The following PARP14 variants were observed in gnomAD, a reference collection of about 807,000 sequenced individuals.
PARP14 encodes protein mono-ADP-ribosyltransferase PARP14.
Under a neutral mutation model 154.2 loss-of-function variants are expected in PARP14, and 59 were observed. The observed-to-expected ratio is 0.38, with a 90% CI of 0.31 to 0.48. The LOEUF (loss-of-function observed/expected upper bound fraction) is 0.48. Among genes scored for constraint, PARP14 ranks in the 20% least tolerant of loss-of-function variants. PARP14 has a pLI of 0.98. For synonymous variants in PARP14, 720 were observed against 780.5 expected (o/e 0.92, Z 1.29); for missense variants, 1,734 against 2,131.6 (o/e 0.81, Z 3.67).
chr3:122,680,969 T>C lies in PARP14; in HGVS notation c.86T>C (p.Met29Thr). The C allele has an allele frequency of 1.9e-6, 3 of 1,613,526 alleles. No homozygotes were observed. The South Asian group carries it at 3.3e-5, about 18-fold the overall frequency. The part of the protein sequence containing the change: ...PPKNLNTKLQ[M>T]YFQSPKRSGG... ...AAGAACTTGAACACCAAGTTGCAGA[T>C]GTACTTCCAGAGCCCGAAGAGGTCG... Residue 29 changes from methionine to threonine, a missense_variant, in exon 1 of 17, where the codon ATG becomes ACG. This residue lies in a region of PARP14 where 1,646 missense variants were observed against 1,976.0 expected (regional missense o/e 0.83). Transcript: ENST00000474629.
chr3:122,712,189 T>C (rs111569715), intron 9 of PARP14, among the ~76,000 whole-genome samples: 101 of 152,306 alleles, frequency 6.6e-4, no homozygotes, highest in African/African-American at 2.2e-3. Flanking sequence ...ATCATAGTTA[T>C]AGTAGATGCT....
At position 122,685,173 on chromosome 3, in the gene PARP14, T is replaced by C. The variant is rs1471018028; in HGVS notation, c.188-12T>C. The C allele has an allele frequency of 1.9e-6, 3 of 1,613,216 alleles. No individual in the cohort carries two copies. The highest frequency in any genetic ancestry group is 2.5e-6 in the Non-Finnish European group (3 of 1,179,396). On this transcript the variant is annotated splice_polypyrimidine_tract_variant and intron_variant, in intron 1 of 16. Coordinates refer to ENST00000474629, the MANE Select transcript of PARP14 (RefSeq NM_017554.3). ...TGTCATTTGTCTTTTTTCCCCCCTT[T>C]GGACATTTCAGTTCGGCAGAAGGTT...
intron 9 of PARP14, among the ~76,000 whole-genome samples, chr3:122,711,816 T>C (rs1939326289): frequency 6.6e-6 from 1 of 152,146 alleles, no homozygotes; most frequent in Non-Finnish European, 1.5e-5. Flanking sequence ...CCTAGGAGGG[T>C]TGTATGTTTC....
At chr3:122,703,517 A>G (rs1185763357) in intron 6 of PARP14, among the ~76,000 whole-genome samples, 1 of 152,182 alleles carries the variant, frequency 6.6e-6, no homozygotes, top group Non-Finnish European at 1.5e-5. Context: ...TCCTTCAGTG[A>G]TGCCATACCA....
chr3:122,682,001 G>A (rs1360832727), intron 1 of PARP14, among the ~76,000 whole-genome samples: 1 of 152,210 alleles, frequency 6.6e-6, no homozygotes, highest in African/African-American at 2.4e-5. Flanking sequence ...GGAGAGGCAA[G>A]GAGGCTGAGG....
chr3:122,685,430 C>A, intron 2 of PARP14, 112 bp downstream of exon 2: 2 of 983,478 alleles, frequency 2.0e-6, no homozygotes, highest in Non-Finnish European at 3.0e-6. Context: ...CAAACTGCAG[C>A]GAGAAAAGCA....
chr3:122,692,537 C>T lies in PARP14; in HGVS notation c.592C>T (p.His198Tyr). 1.2e-6 allele frequency: 2 copies of T among 1,607,030 alleles called. No homozygotes were observed. Among genetic ancestry groups the T allele is most frequent in the Non-Finnish European group, 1.7e-6 (2 of 1,174,584 alleles). The stretch of plus-strand genomic sequence containing the variant: ...TGTTGCTGTTGTTACCTTTCAAAAG[C>T]ACATAGGTAAGATGAAGTGACACTT... ...FDVAVVTFQKHIDTIRFVDDC... is the reference protein window; with the variant it reads ...FDVAVVTFQKYIDTIRFVDDC... Residue 198 changes from histidine (H) to tyrosine (Y), a missense_variant, in exon 4 of 17, where the codon CAC becomes TAC. His to Tyr is a moderately conservative substitution (Grantham distance 83). Transcript: ENST00000474629.
At chr3:122,726,062 T>C (rs567744206) in intron 15 of PARP14, among the ~76,000 whole-genome samples, 12 of 152,356 alleles carry the variant, frequency 7.9e-5, no homozygotes, top group African/African-American at 2.9e-4. Context: ...GCCTTATTTA[T>C]CTCTCTTCTG....
Position 122,692,575 on chromosome 3 carries a change from T to C in PARP14, c.598+32T>C, listed in dbSNP as rs773068204. The C allele has an allele frequency of 1.9e-6, 3 of 1,578,778 alleles. No individual in the cohort carries two copies. The African/African-American group carries it at 4.0e-5, about 21-fold the overall frequency. On this transcript the variant is annotated intron_variant, in intron 4 of 16. Coordinates refer to ENST00000474629, the MANE Select transcript of PARP14 (RefSeq NM_017554.3). ...TGAAGTGACACTTCCTCTGCCTGTC[T>C]TCTTTGTACCACATCATGAGACTTG...
At chr3:122,714,045 C>T in intron 11 of PARP14, 111 bp downstream of exon 11, 2 of 863,316 alleles carry the variant, frequency 2.3e-6, no homozygotes, top group Non-Finnish European at 3.8e-6. Flanking sequence ...TAAAATGATA[C>T]ATTTTACTAA....
At chr3:122,716,121 A>G (rs950458848) in intron 12 of PARP14, among the ~76,000 whole-genome samples, 4 of 152,134 alleles carry the variant, frequency 2.6e-5, no homozygotes, top group Non-Finnish European at 1.5e-5. Context: ...TTGAATTAAG[A>G]CTGTGATCAA....
intron 15 of PARP14, among the ~76,000 whole-genome samples, chr3:122,725,569 T>C (rs1933268140): frequency 6.6e-6 from 1 of 152,236 alleles, no homozygotes; most frequent in Non-Finnish European, 1.5e-5. Context: ...ACCAAAATTA[T>C]TATTAGCAAT....
intron 5 of PARP14, among the ~76,000 whole-genome samples, chr3:122,698,367 G>A (rs1036182574): frequency 1.3e-5 from 2 of 152,198 alleles, no homozygotes; most frequent in South Asian, 2.1e-4. Flanking sequence ...TACACAAAAC[G>A]AGGAGGGGCT....
chr3:122,701,659 CCACCAGGG>C lies in PARP14; in HGVS notation c.3081+28_3081+35del. 6.7e-7 allele frequency: 1 copy of C among 1,494,416 alleles called. No individual in the cohort carries two copies. Among genetic ancestry groups the C allele is most frequent in the African/African-American group, 1.4e-5 (1 of 71,426 alleles). 92.6% of individuals were successfully genotyped at this position (1,494,416 alleles called of 1,614,324 possible). A position where few individuals can be genotyped will look rare whatever the true frequency, so the allele number is the denominator to read the frequency against. On this transcript the variant is annotated intron_variant, in intron 6 of 16. Coordinates refer to ENST00000474629, the MANE Select transcript of PARP14 (RefSeq NM_017554.3). This position sits in a 1 kb window ranked among gnomAD's most constrained non-coding sequence, Gnocchi z 4.0. Reference sequence around the variant, plus strand: ...AGGTGAGTGTCGCTTTTACAGAACACCACCAGGGCACTGTGACTTTACTTAGTCAGTGG... The same window carrying C: ...AGGTGAGTGTCGCTTTTACAGAACACCACTGTGACTTTACTTAGTCAGTGG...
chr3:122,710,569 A>AT lies in PARP14; in HGVS notation c.3619+2309dup, dbSNP rs555382251. Among the ~76,000 whole-genome samples, 46 of 151,294 alleles carry AT rather than the reference A, an allele frequency of 3.0e-4. 1 individual carries two copies. Among genetic ancestry groups the AT allele is most frequent in the Admixed American group, 1.4e-3 (21 of 15,176 alleles). ...TTTTTGGTTCCATGTGAATTTTAGG[A>AT]TTTTTTTTCTAGTTCTGTGAAGAAT... On this transcript the variant is annotated intron_variant, in intron 9 of 16. Coordinates refer to ENST00000474629, the MANE Select transcript of PARP14 (RefSeq NM_017554.3).
intron 7 of PARP14, 85 bp downstream of exon 7, chr3:122,704,063 G>T: frequency 1.2e-6 from 1 of 851,694 alleles, no homozygotes. Flanking sequence ...ACATAGATTG[G>T]GCCTTGTCTG....
At chr3:122,714,691 AAGG>A (rs763171034) in intron 12 of PARP14, among the ~76,000 whole-genome samples, 8 of 124,012 alleles carry the variant, frequency 6.5e-5, no homozygotes, top group African/African-American at 1.3e-4. Flanking sequence ...AAGGGAAAAT[AAGG>A]AGGAGAAGAG....
chr3:122,705,594 T>C lies in PARP14; in HGVS notation c.3540+846T>C, dbSNP rs115577001. 9.2e-3 allele frequency among the ~76,000 whole-genome samples: 1,397 copies of C among 152,296 alleles called. 29 individuals are homozygous for C. The highest frequency in any genetic ancestry group is 0.032 in the African/African-American group (1,341 of 41,552). On this transcript the variant is annotated intron_variant, in intron 8 of 16. Transcript: ENST00000474629. Reference sequence around the variant, plus strand: ...AGCACAACAGGCTTTTAAGCCATTATCCCTGCACTCCGAGTCTTTACTTAA... The same window carrying C: ...AGCACAACAGGCTTTTAAGCCATTACCCCTGCACTCCGAGTCTTTACTTAA...
At chr3:122,703,279 G>A (rs1168022261) in intron 6 of PARP14, among the ~76,000 whole-genome samples, 3 of 152,124 alleles carry the variant, frequency 2.0e-5, no homozygotes, top group South Asian at 2.1e-4. Flanking sequence ...CTTGGCACTC[G>A]AGGTGGGCCC....
Sources: allele counts gnomAD v4.1 joint callset (sites outside exome capture counted in the v4.1 genomes callset), GRCh38; gene constraint gnomAD v4.1.1; regional missense constraint gnomAD v4.1.1; non-coding constraint Gnocchi (gnomAD v3.1); transcripts MANE v1.5; gene names NCBI Gene and HGNC (gene_info 2026-07-23, HGNC 2026-07-21).